Variants in TAFA1 observed in about 807,000 individuals in gnomAD.
TAFA1 encodes the protein chemokine-like protein TAFA-1.
TAFA1 carries 4 observed loss-of-function variants against 18.5 expected under a neutral mutation model. The ratio of observed to expected loss-of-function variants is 0.22; its 90% CI spans 0.11 to 0.49. TAFA1 has a LOEUF of 0.49. Among genes scored for constraint, TAFA1 ranks in the 20% least tolerant of loss-of-function variants. TAFA1 has a pLI of 0.98. For synonymous variants in TAFA1, 56 were observed against 55.2 expected (o/e 1.01, Z -0.06); for missense variants, 147 against 169.0 (o/e 0.87, Z 0.72).
intron 2 of TAFA1, among the ~76,000 whole-genome samples, chr3:68,155,389 T>G (rs1371876990): frequency 6.6e-6 from 1 of 152,170 alleles, no homozygotes; most frequent in Non-Finnish European, 1.5e-5. Context: ...TTAGTCAGTT[T>G]GTAGATTCTG....
intron 2 of TAFA1, among the ~76,000 whole-genome samples, chr3:68,270,890 A>G (rs2067653280): frequency 6.6e-6 from 1 of 152,158 alleles, no homozygotes; most frequent in South Asian, 2.1e-4. Context: ...AAGAAAGCTG[A>G]CAGAGTGATG....
chr3:68,070,784 A>G (rs1388760578), intron 2 of TAFA1, among the ~76,000 whole-genome samples: 1 of 152,212 alleles, frequency 6.6e-6, no homozygotes, highest in Non-Finnish European at 1.5e-5. Context: ...AAGTTCCACA[A>G]ATCTCTAGGG....
intron 3 of TAFA1, among the ~76,000 whole-genome samples, chr3:68,475,530 G>A (rs2072076066): frequency 6.6e-6 from 1 of 152,156 alleles, no homozygotes; most frequent in Non-Finnish European, 1.5e-5. Context: ...TGGTGTATAT[G>A]TGCCACATTT....
chr3:68,076,696 C>A (rs201931028), intron 2 of TAFA1, among the ~76,000 whole-genome samples: 3,609 of 152,072 alleles, frequency 0.024, 6 homozygotes, highest in East Asian at 0.079. Flanking sequence ...TTATCTTAAT[C>A]CAGTCTATCA....
At chr3:68,037,174 G>C (rs1559712168) in intron 2 of TAFA1, among the ~76,000 whole-genome samples, 1 of 152,070 alleles carries the variant, frequency 6.6e-6, no homozygotes, top group Non-Finnish European at 1.5e-5. Flanking sequence ...GTAGGAGAAG[G>C]GTGTTCCAGA....
chr3:68,084,497 C>T (rs2064946517), intron 2 of TAFA1, among the ~76,000 whole-genome samples: 1 of 152,054 alleles, frequency 6.6e-6, no homozygotes, highest in Non-Finnish European at 1.5e-5. Flanking sequence ...GTCTTGTTTC[C>T]TTTAAAAAAT....
intron 2 of TAFA1, among the ~76,000 whole-genome samples, chr3:68,378,569 A>G (rs968179571): frequency 3.3e-5 from 5 of 152,168 alleles, no homozygotes; most frequent in Non-Finnish European, 5.9e-5. Context: ...TGCAGGAATG[A>G]GTTAAGACTT....
intron 3 of TAFA1, among the ~76,000 whole-genome samples, chr3:68,430,791 A>G (rs1035379236): frequency 1.3e-5 from 2 of 151,960 alleles, no homozygotes; most frequent in Non-Finnish European, 2.9e-5. Context: ...TCACACTGCT[A>G]CAAAGAGTCT....
At chr3:68,190,035 T>G (rs2066319023) in intron 2 of TAFA1, among the ~76,000 whole-genome samples, 1 of 151,940 alleles carries the variant, frequency 6.6e-6, no homozygotes, top group Non-Finnish European at 1.5e-5. Flanking sequence ...GTTGAATGAA[T>G]TGTCTTTCTT....
intron 3 of TAFA1, among the ~76,000 whole-genome samples, chr3:68,469,505 T>C (rs972902031): frequency 5.9e-5 from 9 of 152,094 alleles, no homozygotes; most frequent in Non-Finnish European, 1.5e-5. Flanking sequence ...AAACCCCGTC[T>C]CTACTAAAAA....
At chr3:68,426,596 T>A (rs960594310) in intron 3 of TAFA1, among the ~76,000 whole-genome samples, 1 of 151,782 alleles carries the variant, frequency 6.6e-6, no homozygotes, top group Non-Finnish European at 1.5e-5. Flanking sequence ...AGATGAAAAG[T>A]TTGGTAATAT....
At chr3:68,329,270 G>A (rs116499584) in intron 2 of TAFA1, among the ~76,000 whole-genome samples, 3,645 of 129,800 alleles carry the variant, frequency 0.028, 127 homozygotes, top group African/African-American at 0.083. Flanking sequence ...GTTTCACCAC[G>A]TTAGTCAGGC....
At chr3:68,017,138 TA>T (rs1449219088) in intron 2 of TAFA1, among the ~76,000 whole-genome samples, 4 of 152,158 alleles carry the variant, frequency 2.6e-5, no homozygotes, top group Non-Finnish European at 5.9e-5. Flanking sequence ...TATTGTGAAA[TA>T]AAATGATAAG....
intron 2 of TAFA1, among the ~76,000 whole-genome samples, chr3:68,152,386 CT>C (rs750642152): frequency 1.3e-5 from 2 of 152,206 alleles, no homozygotes; most frequent in Non-Finnish European, 2.9e-5. Flanking sequence ...AAGCTTATGA[CT>C]TTTTGACAAG....
chr3:68,089,722 G>T (rs755454512), intron 2 of TAFA1, among the ~76,000 whole-genome samples: 1 of 152,124 alleles, frequency 6.6e-6, no homozygotes, highest in African/African-American at 2.4e-5. Flanking sequence ...AACTAGAAAA[G>T]CCTGTGTAGT....
chr3:68,031,657 G>A (rs912253461), intron 2 of TAFA1, among the ~76,000 whole-genome samples: 1 of 152,126 alleles, frequency 6.6e-6, no homozygotes, highest in African/African-American at 2.4e-5. Flanking sequence ...GCCTAGCAGA[G>A]TGGCCGGTAA....
chr3:68,217,087 G>T (rs2066669417), intron 2 of TAFA1, among the ~76,000 whole-genome samples: 1 of 152,028 alleles, frequency 6.6e-6, no homozygotes, highest in Non-Finnish European at 1.5e-5. Flanking sequence ...AAAAGTGAGT[G>T]AGGGGAAGAA....
chr3:68,387,243 G>C (rs914713372), intron 2 of TAFA1, among the ~76,000 whole-genome samples: 1 of 151,998 alleles, frequency 6.6e-6, no homozygotes, highest in East Asian at 1.9e-4. Flanking sequence ...GTGATAATTA[G>C]GTTTCTCACA....
intron 2 of TAFA1, among the ~76,000 whole-genome samples, chr3:68,280,103 G>A (rs2067871994): frequency 6.6e-6 from 1 of 151,762 alleles, no homozygotes; most frequent in South Asian, 2.1e-4. Flanking sequence ...TGCTGAATGG[G>A]GCTGTTCACT....
Sources: allele counts gnomAD v4.1 joint callset (sites outside exome capture counted in the v4.1 genomes callset), GRCh38; gene constraint gnomAD v4.1.1; transcripts MANE v1.5; gene names NCBI Gene and HGNC (gene_info 2026-07-23, HGNC 2026-07-21).